SLIT3: variants seen among roughly 807,000 people sequenced by gnomAD.
SLIT3 encodes slit homolog 3 protein.
Under a neutral mutation model 184.0 loss-of-function variants are expected in SLIT3, and 68 were observed. The ratio of observed to expected loss-of-function variants is 0.37; its 90% CI spans 0.30 to 0.45. The LOEUF (loss-of-function observed/expected upper bound fraction) is 0.45, where lower values mean the gene tolerates loss of function less well. SLIT3 is among the 20% of genes least tolerant of loss of function. The probability of loss-of-function intolerance (pLI) is 1.00; values close to 1 mark genes in which losing one functional copy is unlikely to be tolerated. For missense variants in SLIT3, 1,707 were observed against 2,026.0 expected, an observed-to-expected ratio of 0.84 and a Z score of 3.02; for synonymous variants, 831 against 828.6, an observed-to-expected ratio of 1.00 and a Z score of -0.05.
At chr5:168,667,460 A>C (rs1433258489) in intron 35 of SLIT3, 1 of 152,380 alleles carries the variant, frequency 6.6e-6, no homozygotes, top group Non-Finnish European at 1.5e-5. Context: ...TCTGAATAAG[A>C]AGCAGGTGTT....
rs183272727 is a variant in SLIT3 at position 168,860,764 on chromosome 5, C to T, written c.486-16109G>A. On this transcript the variant is annotated intron_variant, in intron 5 of 35. Transcript: ENST00000519560. ...AGGAATAGCCCTTATGCCCCAAGGC[C>T]CATATGAATTATTCAAACTAGCCAT... Among the ~76,000 whole-genome samples, 731 of 152,242 alleles carry T rather than the reference C, an allele frequency of 4.8e-3. 22 individuals are homozygous for T. The highest frequency in any genetic ancestry group is 2.9e-3 in the Non-Finnish European group (199 of 68,010).
intron 3 of SLIT3, among the ~76,000 whole-genome samples, chr5:169,216,900 C>T (rs997955244): frequency 2.6e-5 from 4 of 151,996 alleles, no homozygotes; most frequent in African/African-American, 9.7e-5. Context: ...ATGCGTGGCT[C>T]GGATGTTAAT....
At chr5:168,697,884 T>C (rs867830589) in intron 27 of SLIT3, among the ~76,000 whole-genome samples, 1 of 152,316 alleles carries the variant, frequency 6.6e-6, no homozygotes, top group Middle Eastern at 3.4e-3. Flanking sequence ...TAAAGACCAG[T>C]TACTTTGGCT....
At chr5:169,192,977 C>T (rs1763604172) in intron 4 of SLIT3, among the ~76,000 whole-genome samples, 3 of 152,200 alleles carry the variant, frequency 2.0e-5, no homozygotes, top group Admixed American at 2.0e-4. Context: ...CACATTTCTT[C>T]CTTTTCCCAC....
chr5:168,685,586 G>A, intron 31 of SLIT3, 101 bp downstream of exon 31: 1 of 1,412,818 alleles, frequency 7.1e-7, no homozygotes, highest in Non-Finnish European at 9.4e-7. Context: ...GTCCCTGATG[G>A]TGCTTTACTG....
chr5:168,976,066 A>G (rs1427455440), intron 4 of SLIT3, among the ~76,000 whole-genome samples: 1 of 152,164 alleles, frequency 6.6e-6, no homozygotes, highest in Non-Finnish European at 1.5e-5. Flanking sequence ...TAATGCAGGC[A>G]CCGCTGGATA....
At chr5:168,762,510 T>A in intron 15 of SLIT3, 29 bp downstream of exon 15, 1 of 1,602,580 alleles carries the variant, frequency 6.2e-7, no homozygotes, top group Admixed American at 1.7e-5. Context: ...TGGGGAGGAG[T>A]AGGGAGTTCA....
rs115299183 is a variant in SLIT3, at chr5:168,780,024, T to C, written c.1152-5646A>G. ...GCCCTTGGAGCCCACAGGCCTTTTT[T>C]GCAAAGTTTGGAAAACACAGACATC... On this transcript the variant is annotated intron_variant, in intron 12 of 35. Coordinates refer to ENST00000519560, the MANE Select transcript of SLIT3 (RefSeq NM_003062.4). Among the ~76,000 whole-genome samples, 1,290 of 152,380 alleles carry C rather than the reference T, an allele frequency of 8.5e-3. 6 individuals carry two copies. Among genetic ancestry groups the C allele is most frequent in the Admixed American group, 0.013 (194 of 15,312 alleles).
chr5:168,856,805 G>GTGTGTGTGTT (rs1758891613), intron 5 of SLIT3, among the ~76,000 whole-genome samples: 1 of 139,238 alleles, frequency 7.2e-6, no homozygotes, highest in South Asian at 2.3e-4. Flanking sequence ...GTGTGTGTGT[G>GTGTGTGTGTT]TGCGCGCGCG....
chr5:168,907,948 A>G (rs377432126), intron 4 of SLIT3, among the ~76,000 whole-genome samples: 27 of 46,766 alleles, frequency 5.8e-4, no homozygotes, highest in Admixed American at 4.9e-3. Context: ...ATACGTGTAT[A>G]TATATATATA....
intron 1 of SLIT3, among the ~76,000 whole-genome samples, chr5:169,292,335 C>A (rs1469864997): frequency 2.6e-5 from 4 of 152,018 alleles, no homozygotes; most frequent in Admixed American, 6.6e-5. Context: ...GTGGTACTAG[C>A]CTAATAGGAC....
At chr5:168,752,931 G>T (rs746514126) in intron 18 of SLIT3, 24 bp downstream of exon 18, 1 of 1,612,652 alleles carries the variant, frequency 6.2e-7, no homozygotes, top group Non-Finnish European at 8.5e-7. Context: ...AGAGTCCGTG[G>T]GCAGTGGACC....
intron 20 of SLIT3, among the ~76,000 whole-genome samples, chr5:168,727,010 C>CA (rs56207322): frequency 0.27 from 25,958 of 97,630 alleles, 2,833 homozygotes; most frequent in Non-Finnish European, 0.32. Flanking sequence ...GACTGTGTCT[C>CA]AAAAAAAAAA....
intron 1 of SLIT3, among the ~76,000 whole-genome samples, chr5:169,297,115 G>A (rs536831837): frequency 7.9e-5 from 12 of 152,300 alleles, no homozygotes; most frequent in Admixed American, 4.6e-4. Flanking sequence ...TTCAGGCACC[G>A]CCATCCACTT....
chr5:169,179,719 G>A (rs1763095729), intron 4 of SLIT3, among the ~76,000 whole-genome samples: 1 of 152,144 alleles, frequency 6.6e-6, no homozygotes, highest in African/African-American at 2.4e-5. Context: ...CACACATGCT[G>A]TTAACTAGTC....
At chr5:169,212,281 G>A (rs1314696089) in intron 3 of SLIT3, among the ~76,000 whole-genome samples, 1 of 152,148 alleles carries the variant, frequency 6.6e-6, no homozygotes, top group African/African-American at 2.4e-5. Context: ...TCCAGCACCT[G>A]TTGTTTCCTG....
intron 4 of SLIT3, among the ~76,000 whole-genome samples, chr5:168,897,299 A>C (rs892123319): frequency 2.0e-5 from 3 of 152,100 alleles, no homozygotes; most frequent in Non-Finnish European, 4.4e-5. Context: ...TCCATCTCCA[A>C]ACCCCATGGA....
intron 4 of SLIT3, among the ~76,000 whole-genome samples, chr5:169,183,615 C>A (rs1480714992): frequency 2.0e-5 from 3 of 152,166 alleles, no homozygotes; most frequent in Admixed American, 2.0e-4. Context: ...TTCAGAAAAC[C>A]ATCTTGGAAG....
chr5:168,685,042 C>T (rs978552709), intron 31 of SLIT3, among the ~76,000 whole-genome samples: 4 of 152,148 alleles, frequency 2.6e-5, no homozygotes, highest in African/African-American at 9.7e-5. Context: ...CCTCTGCCTC[C>T]CAGGTTCAAG....
Sources: gnomAD v4.1 joint callset for allele counts (sites outside exome capture counted in the v4.1 genomes callset) on GRCh38, gnomAD v4.1.1 for gene constraint, MANE v1.5 for transcripts, NCBI Gene and HGNC (gene_info 2026-07-23, HGNC 2026-07-21) for gene names.